TRDN: variants seen among roughly 807,000 people sequenced by gnomAD.
TRDN encodes the protein triadin in skeletal muscle.
In TRDN, 161 loss-of-function variants were observed where a neutral mutation model predicts 149.7. The observed-to-expected ratio is 1.08, with a 90% CI of 0.95 to 1.23. The LOEUF (loss-of-function observed/expected upper bound fraction) is 1.23. TRDN is among the 50% of genes most tolerant of loss of function. The pLI is 0.00. For synonymous variants in TRDN, 294 were observed against 250.5 expected (o/e 1.17, Z -1.64); for missense variants, 896 against 823.5 (o/e 1.09, Z -1.08).
chr6:123,591,424 T>C (rs1700560501), intron 1 of TRDN, among the ~76,000 whole-genome samples: 1 of 152,130 alleles, frequency 6.6e-6, no homozygotes, highest in African/African-American at 2.4e-5. Context: ...TTTTGTATTT[T>C]TAGTACAGAT....
intron 35 of TRDN, among the ~76,000 whole-genome samples, chr6:123,257,401 C>T (rs1776601553): frequency 6.6e-6 from 1 of 152,116 alleles, no homozygotes; most frequent in Admixed American, 6.5e-5. Flanking sequence ...AGTGAATCCT[C>T]ACTTTCCCCA....
At chr6:123,428,163 G>T (rs947292070) in intron 12 of TRDN, among the ~76,000 whole-genome samples, 1 of 152,048 alleles carries the variant, frequency 6.6e-6, no homozygotes, top group Non-Finnish European at 1.5e-5. Context: ...ATTTCAGCTC[G>T]AATGTTTTGG....
chr6:123,379,214 A>G (rs1354239233), intron 16 of TRDN, among the ~76,000 whole-genome samples: 1 of 152,200 alleles, frequency 6.6e-6, no homozygotes, highest in Admixed American at 6.5e-5. Flanking sequence ...ATAGAATGCT[A>G]CGGTCATCAC....
intron 1 of TRDN, among the ~76,000 whole-genome samples, chr6:123,625,142 C>T (rs887987159): frequency 2.0e-5 from 3 of 151,672 alleles, no homozygotes; most frequent in Non-Finnish European, 4.4e-5. Context: ...ATCATTACAC[C>T]TTCACAATAA....
At chr6:123,583,040 A>T (rs1783214224) in intron 1 of TRDN, among the ~76,000 whole-genome samples, 1 of 152,222 alleles carries the variant, frequency 6.6e-6, no homozygotes, top group Admixed American at 6.5e-5. Context: ...GGAGAAAAAC[A>T]GGTATAAAAG....
intron 12 of TRDN, among the ~76,000 whole-genome samples, chr6:123,436,953 A>G (rs1245643958): frequency 4.6e-5 from 7 of 152,190 alleles, no homozygotes; most frequent in Admixed American, 2.0e-4. Context: ...CATCACTGAC[A>G]TCAGTGGAGG....
intron 10 of TRDN, among the ~76,000 whole-genome samples, chr6:123,444,833 C>T (rs1230288787): frequency 3.3e-5 from 5 of 152,080 alleles, no homozygotes; most frequent in East Asian, 1.9e-4. Context: ...TATTGATTTG[C>T]GTATGTTGAA....
chr6:123,283,290 T>A (rs1165848510), intron 24 of TRDN, among the ~76,000 whole-genome samples: 3 of 151,816 alleles, frequency 2.0e-5, no homozygotes, highest in Non-Finnish European at 4.4e-5. Context: ...AAACAAGCTA[T>A]CAAAAAGTCT....
intron 1 of TRDN, among the ~76,000 whole-genome samples, chr6:123,632,938 G>A (rs1025448577): frequency 1.3e-5 from 2 of 151,714 alleles, no homozygotes; most frequent in African/African-American, 4.8e-5. Flanking sequence ...GAATATAAAT[G>A]ACCATTTTTG....
At chr6:123,274,382 C>A in intron 27 of TRDN, among the ~76,000 whole-genome samples, 1 of 151,940 alleles carries the variant, frequency 6.6e-6, no homozygotes, top group Non-Finnish European at 1.5e-5. Flanking sequence ...TCATAAAAAC[C>A]TTAGAAATGT....
intron 21 of TRDN, chr6:123,352,314 G>C: frequency 4.1e-6 from 4 of 984,982 alleles, no homozygotes; most frequent in Non-Finnish European, 4.8e-6. Flanking sequence ...AGTTTGGGGA[G>C]TTTCCCTGTT....
chr6:123,357,200 A>G (rs954970717), intron 20 of TRDN, among the ~76,000 whole-genome samples: 9 of 152,034 alleles, frequency 5.9e-5, no homozygotes, highest in African/African-American at 2.2e-4. Context: ...TACATTTACC[A>G]TAGCATCTAG....
chr6:123,242,157 G>A (rs1323352746), intron 38 of TRDN, among the ~76,000 whole-genome samples: 1 of 152,052 alleles, frequency 6.6e-6, no homozygotes, highest in Non-Finnish European at 1.5e-5. Context: ...AGCATTGTTT[G>A]CCTTTTAAGA....
At chr6:123,525,702 T>A (rs1022326306) in intron 5 of TRDN, among the ~76,000 whole-genome samples, 11 of 152,028 alleles carry the variant, frequency 7.2e-5, no homozygotes, top group East Asian at 1.9e-4. Context: ...AAAAGTTTTT[T>A]AAAAAAAACT....
chr6:123,505,184 C>T (rs1484712372), intron 7 of TRDN, among the ~76,000 whole-genome samples: 1 of 129,542 alleles, frequency 7.7e-6, no homozygotes, highest in Non-Finnish European at 1.5e-5. Context: ...GCGGAGGTTG[C>T]AGTGAGCCGA....
intron 1 of TRDN, among the ~76,000 whole-genome samples, chr6:123,634,529 T>G (rs1226951048): frequency 6.6e-6 from 1 of 151,850 alleles, no homozygotes; most frequent in Non-Finnish European, 1.5e-5. Context: ...AAATAGCCTG[T>G]ACCAAGGCAC....
intron 28 of TRDN, 151 bp downstream of exon 28, chr6:123,273,186 A>G (rs1167363952): frequency 9.3e-6 from 7 of 754,928 alleles, no homozygotes; most frequent in Non-Finnish European, 1.2e-5. Flanking sequence ...AAGAATTCTT[A>G]TTTACAAAAT....
chr6:123,430,259 G>T (rs1774278823), intron 12 of TRDN, among the ~76,000 whole-genome samples: 1 of 151,790 alleles, frequency 6.6e-6, no homozygotes, highest in African/African-American at 2.4e-5. Context: ...GACAGAACAA[G>T]ACCCTGTCTC....
chr6:123,432,311 C>T (rs1774368051), intron 12 of TRDN, among the ~76,000 whole-genome samples: 1 of 151,966 alleles, frequency 6.6e-6, no homozygotes, highest in South Asian at 2.1e-4. Context: ...CCAGAGCCAC[C>T]TAATCATATA....
Sources: gnomAD v4.1 joint callset for allele counts (sites outside exome capture counted in the v4.1 genomes callset) on GRCh38, gnomAD v4.1.1 for gene constraint, MANE v1.5 for transcripts, NCBI Gene and HGNC (gene_info 2026-07-23, HGNC 2026-07-21) for gene names.